Variants in DENND6B observed in about 807,000 individuals in gnomAD.
DENND6B encodes the protein protein DENND6B.
DENND6B carries 73 observed loss-of-function variants against 85.1 expected under a neutral mutation model. The observed-to-expected ratio is 0.86, with a 90% CI of 0.71 to 1.04. The LOEUF is 1.04. Among genes scored for constraint, DENND6B ranks in the 50% least tolerant of loss-of-function variants. The pLI is 0.00. For missense variants in DENND6B, 715 were observed against 785.8 expected (o/e 0.91, Z 1.08); for synonymous variants, 357 against 329.3 (o/e 1.08, Z -0.91).
Position 50,326,795 on chromosome 22 carries a change from C to T in DENND6B, c.177+17G>A, listed in dbSNP as rs749298703. ...AGCCCTGCCCACCCGCCCGCGCCCG[C>T]GCTCGCGCCCGCTCACCTCCAGCGC... On this transcript the variant is annotated intron_variant, in intron 1 of 19. Coordinates refer to ENST00000413817, the MANE Select transcript of DENND6B (RefSeq NM_001001794.4). 3.5e-5 allele frequency: 48 copies of T among 1,377,080 alleles called. No individual in the cohort carries two copies. The highest frequency in any genetic ancestry group is 3.5e-5 in the Admixed American group (1 of 28,568). 85.3% of individuals were successfully genotyped at this position (1,377,080 alleles called of 1,614,324 possible).
chr22:50,313,763 C>T, intron 14 of DENND6B, 39 bp from the exon 15 acceptor site: 1 of 1,608,662 alleles, frequency 6.2e-7, no homozygotes, highest in Non-Finnish European at 8.5e-7. Flanking sequence ...CTGCGCTTCA[C>T]ACCACACCAG....
chr22:50,320,392 A>T (rs2042006047), intron 1 of DENND6B, among the ~76,000 whole-genome samples: 1 of 152,204 alleles, frequency 6.6e-6, no homozygotes, highest in South Asian at 2.1e-4. Context: ...GCTCTGTGAA[A>T]ATAGCCCTGC....
At chr22:50,313,392 G>A (rs1262571524) in intron 16 of DENND6B, 54 bp downstream of exon 16, 4 of 1,526,190 alleles carry the variant, frequency 2.6e-6, no homozygotes, top group East Asian at 2.4e-5. Flanking sequence ...TCCTCCGGGT[G>A]AGGAAGGGAA....
chr22:50,313,226 G>C, intron 16 of DENND6B, 118 bp from the exon 17 acceptor site: 1 of 1,186,300 alleles, frequency 8.4e-7, no homozygotes, highest in Non-Finnish European at 1.2e-6. Flanking sequence ...ACCCTGCCTG[G>C]CACAGATCCC....
intron 1 of DENND6B, among the ~76,000 whole-genome samples, chr22:50,321,756 T>C (rs1001124369): frequency 1.1e-4 from 17 of 152,158 alleles, no homozygotes; most frequent in Admixed American, 1.3e-4. Context: ...AGCCTCGACC[T>C]CCTGGGCTCA....
At position 50,314,421 on chromosome 22, in the gene DENND6B, C is replaced by T; in HGVS notation, c.1051G>A (p.Val351Ile). Reference protein sequence around the residue: ...TLQHWPHILRVGEPKMSGDLP... With the variant: ...TLQHWPHILRIGEPKMSGDLP... ...TGACCTGACATCTTGGGCTCCCCGA[C>T]TCGGAGGATGTGGGGCCAGTGCTGG... Residue 351 changes from valine (V) to isoleucine (I), a missense_variant, in exon 12 of 20, where the codon GTC (valine) becomes ATC (isoleucine). Physicochemically the swap from Val to Ile is conservative, Grantham distance 29 (BLOSUM62 3). Coordinates refer to ENST00000413817, the MANE Select transcript of DENND6B (RefSeq NM_001001794.4). The T allele has an allele frequency of 6.4e-7, 1 of 1,565,378 alleles. No homozygotes were observed.
intron 4 of DENND6B, 130 bp from the exon 5 acceptor site, chr22:50,317,503 G>A: frequency 9.5e-7 from 1 of 1,055,870 alleles, no homozygotes; most frequent in Non-Finnish European, 1.4e-6. Context: ...GGCTCCTGGA[G>A]CTGCTGTCCG....
rs1344252917 is a variant in DENND6B at position 50,311,253 on chromosome 22, G to A, written c.*886C>T. 3 of 152,296 alleles carry A rather than the reference G, an allele frequency of 2.0e-5. No homozygotes were observed. Among genetic ancestry groups the A allele is most frequent in the South Asian group, 4.1e-4 (2 of 4,834 alleles). 9.4% of individuals were successfully genotyped at this position (152,296 alleles called of 1,614,324 possible). On this transcript the variant is annotated 3_prime_UTR_variant, in exon 20 of 20. Transcript: ENST00000413817. ...CCTCAGTGCCTGCAGGTGTCACGGG[G>A]GGAGCATACAACCCAGAGGTGGCTC...
intron 1 of DENND6B, among the ~76,000 whole-genome samples, chr22:50,324,930 C>T (rs2042151063): frequency 6.6e-6 from 1 of 152,230 alleles, no homozygotes; most frequent in African/African-American, 2.4e-5. Context: ...GAACCAAGCA[C>T]AGTCCTGGGG....
intron 6 of DENND6B, 52 bp from the exon 7 acceptor site, chr22:50,316,305 C>A (rs980447222): frequency 1.3e-6 from 2 of 1,564,684 alleles, no homozygotes; most frequent in Non-Finnish European, 1.7e-6. Context: ...AAGCTGCTGC[C>A]GAGCCCACCA....
Position 50,311,823 on chromosome 22 carries a change from A to C in DENND6B, c.*316T>G. ...CCAACAGATGGGCACCGGGAGGGGC[A>C]GACGGTAGACGCACCCACATCAGCA... On this transcript the variant is annotated 3_prime_UTR_variant, in exon 20 of 20. Coordinates refer to ENST00000413817, the MANE Select transcript of DENND6B (RefSeq NM_001001794.4). 1 of 400,464 alleles carries C rather than the reference A, an allele frequency of 2.5e-6. No homozygotes were observed. The highest frequency in any genetic ancestry group is 4.6e-6 in the Non-Finnish European group (1 of 216,604). 24.8% of individuals were successfully genotyped at this position (400,464 alleles called of 1,614,324 possible).
Position 50,318,965 on chromosome 22 carries a change from C to T in DENND6B, c.216G>A (p.Glu72=). The T allele has an allele frequency of 1.2e-6, 2 of 1,607,242 alleles. No homozygotes were observed. Among genetic ancestry groups the T allele is most frequent in the Non-Finnish European group, 1.7e-6 (2 of 1,177,024 alleles). Residue 72 remains glutamate, a splice_region_variant and synonymous_variant, in exon 2 of 20, where the codon GAG becomes GAA. Coordinates refer to ENST00000413817, the MANE Select transcript of DENND6B (RefSeq NM_001001794.4). Reference sequence around the variant, plus strand: ...CATTCCCAAGAGGGCCGGGACTCACCTCCTTGTCTGTGAGCCGGAAGTCGT... The same window carrying T: ...CATTCCCAAGAGGGCCGGGACTCACTTCCTTGTCTGTGAGCCGGAAGTCGT... ...YPNDFRLTDK[E]KSSICYLSFP...
At chr22:50,321,721 C>T (rs2042050758) in intron 1 of DENND6B, among the ~76,000 whole-genome samples, 1 of 152,192 alleles carries the variant, frequency 6.6e-6, no homozygotes, top group Non-Finnish European at 1.5e-5. Context: ...GGCTGGAGTG[C>T]AGTGGTGCGA....
At chr22:50,313,417 A>C in intron 16 of DENND6B, 29 bp downstream of exon 16, 1 of 1,537,452 alleles carries the variant, frequency 6.5e-7, no homozygotes, top group South Asian at 1.2e-5. Context: ...CCCTCCATGG[A>C]CCCCACAAAA....
At chr22:50,312,955 G>A (rs1341767373) in intron 17 of DENND6B, 44 bp downstream of exon 17, 1 of 1,517,958 alleles carries the variant, frequency 6.6e-7, no homozygotes, top group Admixed American at 2.0e-5. Flanking sequence ...CTGACCCTGT[G>A]GACCAAGGAG....
rs374339389 is a variant in DENND6B, at chr22:50,318,993, G to A, written c.188C>T (p.Pro63Leu). 27 of 1,600,584 alleles carry A rather than the reference G, an allele frequency of 1.7e-5. No homozygotes were observed. The highest frequency in any genetic ancestry group is 2.3e-5 in the East Asian group (1 of 44,246). Residue 63 changes from proline (P) to leucine (L), a missense_variant, in exon 2 of 20, where the codon CCG (proline) becomes CTG (leucine). By Grantham distance (98) the Pro-to-Leu change is moderately conservative. Coordinates refer to ENST00000413817, the MANE Select transcript of DENND6B (RefSeq NM_001001794.4). ...ELGQALELVY[P>L]NDFRLTDKEK... ...CTTGTCTGTGAGCCGGAAGTCGTTC[G>A]GATACACCAGCTGCAGAGGAAGACA...
intron 9 of DENND6B, 133 bp from the exon 10 acceptor site, chr22:50,315,054 GATCT>G (rs1362257557): frequency 7.9e-7 from 1 of 1,267,526 alleles, no homozygotes; most frequent in South Asian, 1.5e-5. Flanking sequence ...GGTGAAGACA[GATCT>G]ATCTGAAGAT....
At chr22:50,320,094 C>G (rs2041996416) in intron 1 of DENND6B, among the ~76,000 whole-genome samples, 1 of 152,246 alleles carries the variant, frequency 6.6e-6, no homozygotes, top group Admixed American at 6.5e-5. Flanking sequence ...CCTCTGCACA[C>G]TGTCCCCTCC....
chr22:50,313,084 T>G lies in DENND6B; in HGVS notation c.1372A>C (p.Ser458Arg). Reference protein sequence around the residue: ...WKTPPQIQPFSQDDFLRSLEH... With the variant: ...WKTPPQIQPFRQDDFLRSLEH... ...AGGCTACGCAGGAAGTCATCCTGGC[T>G]GAAGGGCTGGATCTGGGGGGGAGTC... Residue 458 changes from serine to arginine, a missense_variant, in exon 17 of 20, where the codon AGC (serine) becomes CGC (arginine). By Grantham distance (110) the Ser-to-Arg change is moderately radical. Transcript: ENST00000413817. 1.3e-6 allele frequency: 2 copies of G among 1,556,826 alleles called. No individual in the cohort carries two copies. The highest frequency in any genetic ancestry group is 1.7e-6 in the Non-Finnish European group (2 of 1,150,916).
Sources: gnomAD v4.1 joint callset for allele counts (sites outside exome capture counted in the v4.1 genomes callset) on GRCh38, gnomAD v4.1.1 for gene constraint, MANE v1.5 for transcripts, NCBI Gene and HGNC (gene_info 2026-07-23, HGNC 2026-07-21) for gene names.